Variants in BCAR3 observed in about 807,000 individuals in gnomAD.
BCAR3 encodes BCAR3 adaptor protein, NSP family member.
In BCAR3, 37 loss-of-function variants were observed where a neutral mutation model predicts 80.1. The ratio of observed to expected loss-of-function variants is 0.46; its 90% CI spans 0.36 to 0.61. BCAR3 has a LOEUF of 0.61. Among genes scored for constraint, BCAR3 ranks in the 20% least tolerant of loss-of-function variants. The probability of loss-of-function intolerance (pLI) is 0.00; values close to 1 mark genes in which losing one functional copy is unlikely to be tolerated. For missense variants in BCAR3, 978 were observed against 1,068.2 expected (o/e 0.92, Z 1.18); for synonymous variants, 389 against 418.9 (o/e 0.93, Z 0.87).
At chr1:93,774,399 G>A (rs1258818741) in intron 2 of BCAR3, among the ~76,000 whole-genome samples, 2 of 151,098 alleles carry the variant, frequency 1.3e-5, no homozygotes, top group Admixed American at 6.6e-5. Flanking sequence ...CAGGAGAATC[G>A]CTTGAACCCA....
At chr1:93,691,480 G>A (rs1296027845) in intron 3 of BCAR3, among the ~76,000 whole-genome samples, 1 of 152,198 alleles carries the variant, frequency 6.6e-6, no homozygotes, top group Non-Finnish European at 1.5e-5. Flanking sequence ...ATTTTTACAG[G>A]AGTTATCATT....
At chr1:93,718,350 G>A (rs980553987) in intron 2 of BCAR3, among the ~76,000 whole-genome samples, 2 of 152,200 alleles carry the variant, frequency 1.3e-5, no homozygotes, top group Non-Finnish European at 2.9e-5. Context: ...GGTAGAATGC[G>A]TACTAATGCA....
intron 2 of BCAR3, among the ~76,000 whole-genome samples, chr1:93,716,125 A>G (rs1022054251): frequency 6.6e-6 from 1 of 152,222 alleles, no homozygotes; most frequent in Admixed American, 6.5e-5. Context: ...GCCAAGAGCT[A>G]GCTCCCTATG....
intron 1 of BCAR3, among the ~76,000 whole-genome samples, chr1:93,677,735 A>G (rs1648548956): frequency 6.6e-6 from 1 of 152,210 alleles, no homozygotes. Flanking sequence ...CCACCCCTGC[A>G]GGAACCAAGC....
At chr1:93,579,097 G>T (rs535913130) in intron 7 of BCAR3, among the ~76,000 whole-genome samples, 1 of 152,272 alleles carries the variant, frequency 6.6e-6, no homozygotes, top group South Asian at 2.1e-4. Flanking sequence ...GGGGGTGGGG[G>T]CATGGACACA....
chr1:93,569,240 G>C (rs1673105252), intron 9 of BCAR3, among the ~76,000 whole-genome samples: 1 of 152,192 alleles, frequency 6.6e-6, no homozygotes, highest in African/African-American at 2.4e-5. Context: ...CTTTAAGACA[G>C]GTATTTTGGC....
chr1:93,577,795 G>C (rs1351602732), intron 7 of BCAR3, among the ~76,000 whole-genome samples: 1 of 152,204 alleles, frequency 6.6e-6, no homozygotes, highest in Non-Finnish European at 1.5e-5. Context: ...TGGGTGGCGA[G>C]ATTAAAAGGC....
intron 3 of BCAR3, among the ~76,000 whole-genome samples, chr1:93,633,187 G>A (rs1675679845): frequency 6.6e-6 from 1 of 152,108 alleles, no homozygotes; most frequent in Non-Finnish European, 1.5e-5. Context: ...GTTTCCAAAT[G>A]GACATCTCCT....
chr1:93,596,642 C>G (rs1449821829), intron 3 of BCAR3, among the ~76,000 whole-genome samples: 1 of 152,224 alleles, frequency 6.6e-6, no homozygotes, highest in African/African-American at 2.4e-5. Flanking sequence ...AATAATCATT[C>G]GCTCACATAA....
chr1:93,652,024 G>A (rs1484605111), intron 2 of BCAR3, among the ~76,000 whole-genome samples: 2 of 152,166 alleles, frequency 1.3e-5, no homozygotes, highest in Admixed American at 6.5e-5. Flanking sequence ...AACTTCTGAG[G>A]GGGTATTTGG....
intron 2 of BCAR3, among the ~76,000 whole-genome samples, chr1:93,806,640 A>G (rs1255795601): frequency 1.3e-5 from 2 of 152,176 alleles, no homozygotes; most frequent in African/African-American, 4.8e-5. Context: ...ACTTCTAGAG[A>G]AAGCCCTTCT....
intron 3 of BCAR3, among the ~76,000 whole-genome samples, chr1:93,703,679 A>G: frequency 6.6e-6 from 1 of 152,176 alleles, no homozygotes; most frequent in East Asian, 1.9e-4. Context: ...GTGCTTCTAT[A>G]TGCCCATTCA....
At chr1:93,762,351 C>A (rs1288468281) in intron 2 of BCAR3, among the ~76,000 whole-genome samples, 1 of 152,214 alleles carries the variant, frequency 6.6e-6, no homozygotes, top group Admixed American at 6.5e-5. Context: ...CTGCTCTGTG[C>A]ACCATCCACA....
intron 2 of BCAR3, among the ~76,000 whole-genome samples, chr1:93,724,928 A>G (rs368403869): frequency 2.3e-4 from 35 of 152,290 alleles, no homozygotes; most frequent in African/African-American, 8.4e-4. Flanking sequence ...GGGTTTCAGT[A>G]CTTGAAACTG....
At chr1:93,762,661 C>A (rs533541005) in intron 2 of BCAR3, among the ~76,000 whole-genome samples, 1 of 152,274 alleles carries the variant, frequency 6.6e-6, no homozygotes, top group East Asian at 1.9e-4. Context: ...ACCACATATT[C>A]CATCCCCAAC....
intron 3 of BCAR3, among the ~76,000 whole-genome samples, chr1:93,690,539 T>C (rs1382812230): frequency 6.6e-6 from 1 of 152,218 alleles, no homozygotes; most frequent in South Asian, 2.1e-4. Flanking sequence ...GTTCAGACTT[T>C]GTGCTCTTAA....
At position 93,700,705 on chromosome 1, in the gene BCAR3, C is replaced by T. The variant is rs956971373; in HGVS notation, c.-12+5387G>A. Among the ~76,000 whole-genome samples the T allele has an allele frequency of 1.6e-4, 24 of 152,302 alleles. No homozygotes were observed. The South Asian group carries it at 2.9e-3, about 18-fold the overall frequency. On this transcript the variant is annotated intron_variant, in intron 3 of 13. Transcript: ENST00000370244. ...CGACTCTGAATACTCCCTGCAAGGCCGGCAAATATTTTGATAATCTTTCCC... is the reference window on the plus strand; with the variant it reads ...CGACTCTGAATACTCCCTGCAAGGCTGGCAAATATTTTGATAATCTTTCCC...
At chr1:93,591,825 C>A (rs1017552750) in intron 4 of BCAR3, among the ~76,000 whole-genome samples, 28 of 152,290 alleles carry the variant, frequency 1.8e-4, no homozygotes, top group African/African-American at 6.7e-4. Context: ...GGGGCAGAGG[C>A]AGCCTTGTTG....
At chr1:93,649,293 TG>T (rs889079466) in intron 2 of BCAR3, among the ~76,000 whole-genome samples, 115 of 152,280 alleles carry the variant, frequency 7.6e-4, no homozygotes, top group African/African-American at 2.2e-3. Flanking sequence ...AGCAAGGCTA[TG>T]GGGACAGCAC....
Sources: allele counts gnomAD v4.1 joint callset (sites outside exome capture counted in the v4.1 genomes callset), GRCh38; gene constraint gnomAD v4.1.1; transcripts MANE v1.5; gene names NCBI Gene and HGNC (gene_info 2026-07-23, HGNC 2026-07-21).